The following EPN2 variants were observed in gnomAD, a reference collection of about 807,000 sequenced individuals.
EPN2 encodes the protein epsin 2, also known as epsin-2.
A neutral mutation model predicts 61.7 loss-of-function variants in EPN2; 34 were observed. The observed-to-expected ratio is 0.55, with a 90% CI of 0.42 to 0.73. The LOEUF is 0.73. Ranked by LOEUF, EPN2 falls within the 30% of genes least tolerant of loss-of-function variation. The pLI is 0.00. For synonymous variants in EPN2, 349 were observed against 353.6 expected (o/e 0.99, Z 0.15); for missense variants, 714 against 839.2 (o/e 0.85, Z 1.84).
chr17:19,310,445 A>G (rs1376500593), intron 5 of EPN2, among the ~76,000 whole-genome samples: 2 of 152,146 alleles, frequency 1.3e-5, no homozygotes, highest in African/African-American at 4.8e-5. Flanking sequence ...AAAGGCTGGG[A>G]AAAAATGCTC....
chr17:19,266,508 T>G (rs1470747523), intron 1 of EPN2, among the ~76,000 whole-genome samples: 1 of 151,932 alleles, frequency 6.6e-6, no homozygotes, highest in Non-Finnish European at 1.5e-5. Flanking sequence ...GTTCGTGCCA[T>G]TCTCCTGCCT....
At chr17:19,261,882 T>C (rs1459009074) in intron 1 of EPN2, among the ~76,000 whole-genome samples, 1 of 152,224 alleles carries the variant, frequency 6.6e-6, no homozygotes, top group Non-Finnish European at 1.5e-5. Flanking sequence ...TTTTGTCTTA[T>C]TTTGTTTTGT....
Position 19,285,588 on chromosome 17 carries a change from T to C in EPN2, c.596-32T>C. The C allele has an allele frequency of 6.8e-7, 1 of 1,481,054 alleles. No individual in the cohort carries two copies. Among genetic ancestry groups the C allele is most frequent in the Non-Finnish European group, 9.0e-7 (1 of 1,110,474 alleles). The allele number at this position is 1,481,054 out of a possible 1,614,324, so 91.7% of individuals were successfully genotyped here. A position where few individuals can be genotyped will look rare whatever the true frequency, so the allele number is the denominator to read the frequency against. On this transcript the variant is annotated intron_variant, in intron 3 of 10. Coordinates refer to ENST00000314728, the MANE Select transcript of EPN2 (RefSeq NM_014964.5). This position sits in a 1 kb window ranked among gnomAD's most constrained non-coding sequence, Gnocchi z 4.5. Reference sequence around the variant, plus strand: ...TGCGCACCCTCTAATGGCGTGTCTCTCTGTGTGTGTGTGTGTGTCCCTGCC... The same window carrying C: ...TGCGCACCCTCTAATGGCGTGTCTCCCTGTGTGTGTGTGTGTGTCCCTGCC...
At chr17:19,292,113 C>G (rs954470257) in intron 4 of EPN2, among the ~76,000 whole-genome samples, 1 of 152,210 alleles carries the variant, frequency 6.6e-6, no homozygotes, top group Non-Finnish European at 1.5e-5. Flanking sequence ...CCAAACCCAG[C>G]CAGCGTGTCA....
chr17:19,278,059 G>A (rs549719487), intron 1 of EPN2, among the ~76,000 whole-genome samples: 7 of 125,352 alleles, frequency 5.6e-5, no homozygotes, highest in Admixed American at 3.5e-4. Flanking sequence ...GCGACAGAGC[G>A]AGACTATGTC....
intron 1 of EPN2, among the ~76,000 whole-genome samples, chr17:19,254,533 T>C (rs190720040): frequency 1.3e-3 from 196 of 152,200 alleles, no homozygotes; most frequent in African/African-American, 4.4e-3. Context: ...AGAGCGAGAC[T>C]CTGTCTCAAA....
intron 1 of EPN2, among the ~76,000 whole-genome samples, chr17:19,243,322 A>AT (rs754924031): frequency 1.1e-3 from 136 of 125,004 alleles, no homozygotes; most frequent in Admixed American, 3.8e-3. Flanking sequence ...GGTTAAAGCG[A>AT]TTTTTCTGCC....
At chr17:19,240,484 G>C (rs954321721) in intron 1 of EPN2, among the ~76,000 whole-genome samples, 3 of 152,188 alleles carry the variant, frequency 2.0e-5, no homozygotes, top group Non-Finnish European at 4.4e-5. Context: ...GACTTCAAGT[G>C]ATCCACCTAT....
chr17:19,298,382 G>GAT (rs2045541511), intron 4 of EPN2, among the ~76,000 whole-genome samples: 1 of 152,136 alleles, frequency 6.6e-6, no homozygotes, highest in South Asian at 2.1e-4. Flanking sequence ...TTTTAGTAGA[G>GAT]ATGGGGTTTT....
chr17:19,304,793 G>A (rs1392277442), intron 4 of EPN2, among the ~76,000 whole-genome samples: 5 of 152,190 alleles, frequency 3.3e-5, no homozygotes, highest in Non-Finnish European at 4.4e-5. Context: ...AGATTTGTCC[G>A]TCCAGTGCTC....
intron 5 of EPN2, among the ~76,000 whole-genome samples, chr17:19,310,581 T>TTTC (rs1906087252): frequency 8.0e-6 from 1 of 125,634 alleles, no homozygotes; most frequent in South Asian, 3.0e-4. Flanking sequence ...CTTTTTTTTT[T>TTTC]TTTTTTTTTT....
intron 7 of EPN2, among the ~76,000 whole-genome samples, chr17:19,326,099 G>A (rs779653278): frequency 1.5e-4 from 23 of 152,052 alleles, no homozygotes; most frequent in Non-Finnish European, 3.1e-4. Flanking sequence ...GATTAAATTT[G>A]ACCAAAAGAT....
At chr17:19,328,066 AT>A (rs1567869958) in intron 7 of EPN2, among the ~76,000 whole-genome samples, 1 of 151,902 alleles carries the variant, frequency 6.6e-6, no homozygotes, top group East Asian at 1.9e-4. Context: ...TTTTTTAAAA[AT>A]TTTTTTCTCT....
In EPN2 at chr17:19,328,825, C is replaced by G; in HGVS notation, c.1262C>G (p.Ala421Gly). 6.2e-7 allele frequency: 1 copy of G among 1,613,646 alleles called. No individual in the cohort carries two copies. The highest frequency in any genetic ancestry group is 8.5e-7 in the Non-Finnish European group (1 of 1,179,720). ...GCTTCACAGCAGCCTGCCTCCAGTG[C>G]TGGGAAAAGAGCTTCTGACGCGTGG... ...WAASQQPASS[A>G]GKRASDAWGA... The change falls in exon 8 of 11, where the codon GCT becomes GGT. Residue 421 changes from alanine to glycine, a missense_variant. Around this residue, in one of 2 missense-constraint regions of EPN2, gnomAD observed 410 missense variants for 421.8 expected, o/e 0.97. Transcript: ENST00000314728.
intron 4 of EPN2, among the ~76,000 whole-genome samples, chr17:19,298,976 C>A (rs1905336338): frequency 6.6e-6 from 1 of 152,018 alleles, no homozygotes; most frequent in African/African-American, 2.4e-5. Flanking sequence ...TGGATTATTT[C>A]TTCAATGTGG....
At chr17:19,297,686 G>A (rs1424175506) in intron 4 of EPN2, among the ~76,000 whole-genome samples, 1 of 152,196 alleles carries the variant, frequency 6.6e-6, no homozygotes, top group Non-Finnish European at 1.5e-5. Flanking sequence ...GTTTGCGAGG[G>A]AGCATGAGGC....
Position 19,312,109 on chromosome 17 carries a change from C to G in EPN2, c.937C>G (p.Arg313Gly), listed in dbSNP as rs1428477332. Residue 313 changes from arginine (R) to glycine (G), a missense_variant, in exon 6 of 11, where the codon CGA becomes GGA. Around this residue, in one of 2 missense-constraint regions of EPN2, gnomAD observed 410 missense variants for 421.8 expected, o/e 0.97. Coordinates refer to ENST00000314728, the MANE Select transcript of EPN2 (RefSeq NM_014964.5). ...ATTACAGATGGCCCTGGAAGAAAGC[C>G]GAAGGGACACAGTTAAAATTCCAAA... ...LRLQMALEES[R>G]RDTVKIPKKK... 1.2e-6 allele frequency: 2 copies of G among 1,614,034 alleles called. No individual in the cohort carries two copies. The highest frequency in any genetic ancestry group is 1.7e-5 in the Admixed American group (1 of 60,014).
rs577327128 is a variant in EPN2 at position 19,310,642 on chromosome 17, A to G, written c.879+645A>G. Among the ~76,000 whole-genome samples, 5 of 126,642 alleles carry G rather than the reference A, an allele frequency of 3.9e-5. No individual in the cohort carries two copies. In the South Asian group the frequency reaches 1.0e-3, roughly 25 times the overall value. 83.1% of individuals were successfully genotyped at this position (126,642 alleles called of 152,430 possible). A position where few individuals can be genotyped will look rare whatever the true frequency, so the allele number is the denominator to read the frequency against. On this transcript the variant is annotated intron_variant, in intron 5 of 10. Coordinates refer to ENST00000314728, the MANE Select transcript of EPN2 (RefSeq NM_014964.5). ...ACCCAGGCTGGAGTGCAGTGGTGCA[A>G]TCTTGGCTCCCTGAGACCTCCGCGT...
chr17:19,316,387 T>C (rs1343972686), intron 7 of EPN2, among the ~76,000 whole-genome samples: 2 of 152,358 alleles, frequency 1.3e-5, no homozygotes, highest in East Asian at 3.9e-4. Flanking sequence ...CTTGGCATTA[T>C]TACCAGTGAC....
Sources: gnomAD v4.1 joint callset for allele counts (sites outside exome capture counted in the v4.1 genomes callset) on GRCh38, gnomAD v4.1.1 for gene constraint, gnomAD v4.1.1 regional missense constraint, Gnocchi (gnomAD v3.1) non-coding constraint, MANE v1.5 for transcripts, NCBI Gene and HGNC (gene_info 2026-07-23, HGNC 2026-07-21) for gene names.